Variants in PALM2AKAP2 observed in about 807,000 individuals in gnomAD.
PALM2AKAP2 encodes PALM2 and AKAP2 fusion.
PALM2AKAP2 carries 37 observed loss-of-function variants against 71.5 expected under a neutral mutation model. That is an observed-to-expected ratio of 0.52 (90% CI 0.40 to 0.68). The LOEUF is 0.68. Ranked by LOEUF, PALM2AKAP2 falls within the 30% of genes least tolerant of loss-of-function variation. The probability of loss-of-function intolerance (pLI) is 0.00; values close to 1 mark genes in which losing one functional copy is unlikely to be tolerated. For synonymous variants in PALM2AKAP2, 468 were observed against 478.8 expected (o/e 0.98, Z 0.29); for missense variants, 1,224 against 1,191.8 (o/e 1.03, Z -0.40).
At chr9:110,123,269 A>G (rs1201194110) in intron 1 of PALM2AKAP2, among the ~76,000 whole-genome samples, 1 of 152,208 alleles carries the variant, frequency 6.6e-6, no homozygotes, top group African/African-American at 2.4e-5. Flanking sequence ...ATAGTCTTAC[A>G]GTTGGGAGGC....
chr9:110,018,562 C>T (rs933133763), intron 7 of PALM2AKAP2, among the ~76,000 whole-genome samples: 1 of 151,850 alleles, frequency 6.6e-6, no homozygotes, highest in African/African-American at 2.4e-5. Context: ...AACTCCTGGC[C>T]TCAGGTGATC....
chr9:110,061,979 A>G (rs141073816), intron 1 of PALM2AKAP2, among the ~76,000 whole-genome samples: 3 of 140,394 alleles, frequency 2.1e-5, no homozygotes, highest in African/African-American at 9.7e-5. Context: ...TCCTGTTTTT[A>G]CTATGCTGCC....
intron 1 of PALM2AKAP2, among the ~76,000 whole-genome samples, chr9:109,793,269 T>A (rs75291061): frequency 0.016 from 2,362 of 152,356 alleles, 64 homozygotes; most frequent in African/African-American, 0.054. Flanking sequence ...AATTGGTTCA[T>A]GTTACAGCCC....
At chr9:109,790,292 GA>G (rs947166801) in intron 1 of PALM2AKAP2, among the ~76,000 whole-genome samples, 11 of 148,542 alleles carry the variant, frequency 7.4e-5, no homozygotes, top group South Asian at 2.1e-4. Flanking sequence ...TTTTTTCCTG[GA>G]AAAAAAAAAT....
intron 1 of PALM2AKAP2, among the ~76,000 whole-genome samples, chr9:109,789,141 T>C (rs1409930084): frequency 2.6e-5 from 4 of 152,176 alleles, no homozygotes; most frequent in Non-Finnish European, 4.4e-5. Context: ...CAAAATTCCC[T>C]TGGGGAGGCC....
At chr9:109,853,093 G>A (rs1163485524) in intron 1 of PALM2AKAP2, among the ~76,000 whole-genome samples, 2 of 152,154 alleles carry the variant, frequency 1.3e-5, no homozygotes, top group Non-Finnish European at 1.5e-5. Context: ...ATAACTGGGG[G>A]ATCTAGGGGC....
intron 4 of PALM2AKAP2, 104 bp downstream of exon 4, chr9:109,923,953 T>A: frequency 2.5e-6 from 3 of 1,193,604 alleles, no homozygotes; most frequent in Non-Finnish European, 3.4e-6. Context: ...TGATGAGAAA[T>A]CTGAGCCACG....
intron 6 of PALM2AKAP2, among the ~76,000 whole-genome samples, chr9:110,004,131 T>G (rs920931519): frequency 6.6e-6 from 1 of 152,238 alleles, no homozygotes; most frequent in African/African-American, 2.4e-5. Flanking sequence ...GCATCGATGG[T>G]CTTTACAATT....
At chr9:109,812,566 T>C (rs1281810906) in intron 1 of PALM2AKAP2, among the ~76,000 whole-genome samples, 2 of 152,148 alleles carry the variant, frequency 1.3e-5, no homozygotes, top group Non-Finnish European at 2.9e-5. Flanking sequence ...CTTCCCACAG[T>C]GCAGATGGAA....
chr9:109,641,282 G>A (rs919901542), intron 1 of PALM2AKAP2, among the ~76,000 whole-genome samples: 4 of 152,260 alleles, frequency 2.6e-5, no homozygotes, highest in African/African-American at 9.6e-5. Flanking sequence ...CGGATCGGAA[G>A]CAAACGCGGT....
At chr9:109,799,387 C>A (rs1827355541) in intron 1 of PALM2AKAP2, among the ~76,000 whole-genome samples, 1 of 152,172 alleles carries the variant, frequency 6.6e-6, no homozygotes, top group Non-Finnish European at 1.5e-5. Flanking sequence ...CAGGATGAGG[C>A]AGGGAGCTGC....
rs560610494 is a variant in PALM2AKAP2 at position 109,880,531 on chromosome 9, G to T, written c.127-20G>T. 1 of 1,611,872 alleles carries T rather than the reference G, an allele frequency of 6.2e-7. No individual in the cohort carries two copies. The highest frequency in any genetic ancestry group is 1.1e-5 in the South Asian group (1 of 90,962). The stretch of plus-strand genomic sequence containing the variant: ...ACTGAAAAGTATCATCTTGTCTGTT[G>T]TCTTCCCTCACTTCCACAGTCCAAA... On this transcript the variant is annotated intron_variant, in intron 2 of 9. Transcript: ENST00000302798.
At chr9:109,642,518 T>C (rs898049229) in intron 1 of PALM2AKAP2, among the ~76,000 whole-genome samples, 1 of 148,396 alleles carries the variant, frequency 6.7e-6, no homozygotes, top group East Asian at 2.1e-4. Flanking sequence ...ACCAACCTAA[T>C]ACTACAGTCT....
intron 1 of PALM2AKAP2, among the ~76,000 whole-genome samples, chr9:109,702,119 A>G (rs1000587696): frequency 1.3e-5 from 2 of 152,198 alleles, no homozygotes; most frequent in African/African-American, 4.8e-5. Context: ...GTGGAGAAAT[A>G]GGAACATTTT....
chr9:110,045,509 T>C (rs1261667045), upstream of PALM2AKAP2, among the ~76,000 whole-genome samples: 1 of 152,188 alleles, frequency 6.6e-6, no homozygotes, highest in African/African-American at 2.4e-5. Context: ...GCAGTTTCCT[T>C]GGCCCTGCCC....
intron 1 of PALM2AKAP2, among the ~76,000 whole-genome samples, chr9:109,660,211 T>C (rs991176820): frequency 6.6e-6 from 1 of 152,214 alleles, no homozygotes; most frequent in African/African-American, 2.4e-5. Context: ...AAAATTATTA[T>C]TATACTTTAA....
intron 1 of PALM2AKAP2, among the ~76,000 whole-genome samples, chr9:109,742,942 A>C (rs59098240): frequency 6.6e-6 from 1 of 151,958 alleles, no homozygotes; most frequent in South Asian, 2.1e-4. Context: ...CCCAGGAGCC[A>C]CCTCCCTGAG....
chr9:109,913,817 C>T (rs188768433), intron 3 of PALM2AKAP2, among the ~76,000 whole-genome samples: 3 of 143,730 alleles, frequency 2.1e-5, no homozygotes, highest in Non-Finnish European at 3.0e-5. Context: ...AGTGCAGTGG[C>T]GCAATCTCGG....
intron 1 of PALM2AKAP2, chr9:109,760,255 G>T (rs1407684912): frequency 6.6e-6 from 1 of 152,142 alleles, no homozygotes; most frequent in Non-Finnish European, 1.5e-5. Context: ...AAGCAGACTT[G>T]CTCACCAAAA....
Sources: allele counts gnomAD v4.1 joint callset (sites outside exome capture counted in the v4.1 genomes callset), GRCh38; gene constraint gnomAD v4.1.1; transcripts MANE v1.5; gene names NCBI Gene and HGNC (gene_info 2026-07-23, HGNC 2026-07-21).